GLI2: variants seen among roughly 807,000 people sequenced by gnomAD.
The protein encoded by GLI2 is GLI family zinc finger 2.
In GLI2, 22 loss-of-function variants were observed where a neutral mutation model predicts 78.9. That is an observed-to-expected ratio of 0.28 (90% CI 0.20 to 0.40). GLI2 has a LOEUF of 0.40. GLI2 is among the 10% of genes least tolerant of loss of function. The pLI is 1.00. For missense variants in GLI2, 2,097 were observed against 2,213.2 expected (o/e 0.95, Z 1.05); for synonymous variants, 974 against 963.7 (o/e 1.01, Z -0.20).
chr2:120,913,198 A>C lies in GLI2; in HGVS notation c.149-14163A>C, dbSNP rs527913728. Reference sequence around the variant, plus strand: ...TAGAATTCTGAAGCAGTGGAAAGTCAATAATGATAACGAGTTAGGCCTGAG... The same window carrying C: ...TAGAATTCTGAAGCAGTGGAAAGTCCATAATGATAACGAGTTAGGCCTGAG... On this transcript the variant is annotated intron_variant, in intron 2 of 13. Coordinates refer to ENST00000361492, the MANE Select transcript of GLI2 (RefSeq NM_001374353.1). 5.9e-5 allele frequency among the ~76,000 whole-genome samples: 9 copies of C among 152,334 alleles called. No homozygotes were observed. In the East Asian group the frequency reaches 1.7e-3, roughly 29 times the overall value.
Position 120,986,352 on chromosome 2 carries a change from T to A in GLI2, c.1980T>A (p.Asn660Lys). The stretch of plus-strand genomic sequence containing the variant: ...CTCCTCTGGGCAGTGCCCCCAACAA[T>A]GACAGTGGCGTGGAGATGCCGGGGA... ...EPSPLGSAPN[N>K]DSGVEMPGTG... Residue 660 changes from asparagine to lysine, a missense_variant, in exon 13 of 14, where the codon AAT becomes AAA. Around this residue, in one of 5 missense-constraint regions of GLI2, gnomAD observed 68 missense variants for 104.4 expected, o/e 0.65. Transcript: ENST00000361492. 6.2e-7 allele frequency: 1 copy of A among 1,613,598 alleles called. No homozygotes were observed. Among genetic ancestry groups the A allele is most frequent in the Non-Finnish European group, 8.5e-7 (1 of 1,180,004 alleles).
intron 2 of GLI2, among the ~76,000 whole-genome samples, chr2:120,923,235 AACAC>A (rs373817212): frequency 1.0e-5 from 1 of 96,136 alleles, no homozygotes; most frequent in African/African-American, 4.0e-5. Flanking sequence ...TATACACAGC[AACAC>A]ACACACACAA....
At chr2:120,821,975 C>T (rs1372917586) in intron 2 of GLI2, among the ~76,000 whole-genome samples, 1 of 152,226 alleles carries the variant, frequency 6.6e-6, no homozygotes, top group African/African-American at 2.4e-5. Flanking sequence ...CTGGGGATGC[C>T]ACCAGGCTGC....
intron 2 of GLI2, among the ~76,000 whole-genome samples, chr2:120,812,400 T>C (rs375318157): frequency 1.3e-5 from 2 of 152,138 alleles, no homozygotes; most frequent in East Asian, 3.9e-4. Context: ...TTCCCGTGCA[T>C]CCTTGTCTTT....
chr2:120,990,120 C>T lies in GLI2; in HGVS notation c.4155C>T (p.Ala1385=). ...QLAYARATGH[A]MAAMPSSQET... is the part of the protein sequence containing the mutation. ...CCTACGCCAGGGCCACAGGCCATGC[C>T]ATGGCTGCCATGCCGTCCAGTCAGG... Residue 1385 remains alanine (A), a synonymous_variant, in exon 14 of 14, where the codon GCC becomes GCT. Transcript: ENST00000361492. 1 of 1,604,136 alleles carries T rather than the reference C, an allele frequency of 6.2e-7. No individual in the cohort carries two copies. The highest frequency in any genetic ancestry group is 8.5e-7 in the Non-Finnish European group (1 of 1,173,910).
intron 3 of GLI2, among the ~76,000 whole-genome samples, chr2:120,942,606 C>G (rs1041899276): frequency 6.6e-6 from 1 of 152,230 alleles, no homozygotes; most frequent in African/African-American, 2.4e-5. Context: ...ATGGACATAT[C>G]TCTGGGAGAT....
chr2:120,828,438 T>C (rs1001624409), intron 2 of GLI2, among the ~76,000 whole-genome samples: 5 of 152,356 alleles, frequency 3.3e-5, no homozygotes, highest in African/African-American at 1.2e-4. Context: ...GATTTTTTTC[T>C]CCTCTGTGAA....
At chr2:120,780,109 G>A (rs1683794307) in intron 1 of GLI2, among the ~76,000 whole-genome samples, 2 of 151,558 alleles carry the variant, frequency 1.3e-5, no homozygotes, top group South Asian at 2.1e-4. Flanking sequence ...GGGTTTCTCG[G>A]TTCTCAGAAA....
At chr2:120,848,457 T>C (rs575332920) in intron 2 of GLI2, among the ~76,000 whole-genome samples, 5 of 152,328 alleles carry the variant, frequency 3.3e-5, no homozygotes, top group African/African-American at 9.6e-5. Flanking sequence ...GTTGTCCCTG[T>C]CGCCTCAGCC....
chr2:120,992,047 C>CACAT lies in GLI2; in HGVS notation c.*1375_*1376insTACA, dbSNP rs1683313168. 1 of 152,330 alleles carries CACAT rather than the reference C, an allele frequency of 6.6e-6. No homozygotes were observed. Among genetic ancestry groups the CACAT allele is most frequent in the Non-Finnish European group, 1.4e-5 (1 of 69,136 alleles). 9.4% of individuals were successfully genotyped at this position (152,330 alleles called of 1,614,324 possible). A position where few individuals can be genotyped will look rare whatever the true frequency, so the allele number is the denominator to read the frequency against. On this transcript the variant is annotated 3_prime_UTR_variant, in exon 14 of 14. Transcript: ENST00000361492. Reference sequence around the variant, plus strand: ...ACACACACACACACACACACACACACACACCCCAAACCTTTTCATGGGGAA... The same window carrying CACAT: ...ACACACACACACACACACACACACACACATACACCCCAAACCTTTTCATGGGGAA...
chr2:120,960,800 G>GC (rs926538333), intron 5 of GLI2, among the ~76,000 whole-genome samples: 20 of 152,354 alleles, frequency 1.3e-4, no homozygotes, highest in African/African-American at 4.6e-4. Context: ...AGGCCAGGGT[G>GC]CCGGCAGGAC....
At chr2:120,860,037 G>A (rs902483215) in intron 2 of GLI2, among the ~76,000 whole-genome samples, 4 of 152,184 alleles carry the variant, frequency 2.6e-5, no homozygotes, top group Admixed American at 6.5e-5. Flanking sequence ...AGAAACACAA[G>A]CCTTGCCCCT....
intron 1 of GLI2, among the ~76,000 whole-genome samples, chr2:120,784,873 G>A (rs2104675105): frequency 6.6e-6 from 1 of 152,286 alleles, no homozygotes; most frequent in South Asian, 2.1e-4. Flanking sequence ...GGCACGGCCT[G>A]TTTCCTCTGA....
chr2:120,986,412 G>A lies in GLI2; in HGVS notation c.2040G>A (p.Leu680=), dbSNP rs760234579. The change falls in exon 13 of 14, where the codon CTG becomes CTA. Residue 680 remains leucine (L), a synonymous_variant. Coordinates refer to ENST00000361492, the MANE Select transcript of GLI2 (RefSeq NM_001374353.1). ...GGAGCCTGGGAGACCTGACGGCACT[G>A]GATGACACACCCCCAGGGGCCGACA... ...GPGSLGDLTA[L]DDTPPGADTS... is the part of the protein sequence containing the mutation. The A allele has an allele frequency of 6.2e-7, 1 of 1,613,852 alleles. No homozygotes were observed. Among genetic ancestry groups the A allele is most frequent in the South Asian group, 1.1e-5 (1 of 91,072 alleles).
chr2:120,835,961 C>T (rs1686592241), intron 2 of GLI2, among the ~76,000 whole-genome samples: 1 of 152,152 alleles, frequency 6.6e-6, no homozygotes, highest in African/African-American at 2.4e-5. Flanking sequence ...GCCCTGGATG[C>T]AGACATTAGG....
In GLI2 at chr2:120,800,297, G is replaced by A. The variant is rs897563140; in HGVS notation, c.148+2829G>A. 2.6e-5 allele frequency among the ~76,000 whole-genome samples: 4 copies of A among 151,984 alleles called. No homozygotes were observed. The highest frequency in any genetic ancestry group is 9.7e-5 in the African/African-American group (4 of 41,362). ...AAAGACGAATCATCTTGGTCTGGGC[G>A]ACTGCTCTGAGGCCTGTTTGCTGGG... On this transcript the variant is annotated intron_variant, in intron 2 of 13. Coordinates refer to ENST00000361492, the MANE Select transcript of GLI2 (RefSeq NM_001374353.1). This position sits in a 1 kb window ranked among gnomAD's most constrained non-coding sequence, Gnocchi z 4.1.
At chr2:120,822,921 A>C (rs936481658) in intron 2 of GLI2, among the ~76,000 whole-genome samples, 14 of 152,194 alleles carry the variant, frequency 9.2e-5, no homozygotes, top group African/African-American at 3.4e-4. Flanking sequence ...TTCCTCAGGC[A>C]ACCTTGAGTT....
At chr2:120,930,747 C>T (rs1679910852) in intron 3 of GLI2, among the ~76,000 whole-genome samples, 1 of 152,226 alleles carries the variant, frequency 6.6e-6, no homozygotes, top group Non-Finnish European at 1.5e-5. Flanking sequence ...TTGCAGGCTC[C>T]AGCTTGACAG....
Position 120,819,429 on chromosome 2 carries a change from G to A in GLI2, c.148+21961G>A, listed in dbSNP as rs532446255. Among the ~76,000 whole-genome samples, 8 of 151,940 alleles carry A rather than the reference G, an allele frequency of 5.3e-5. No homozygotes were observed. In the South Asian group the frequency reaches 1.3e-3, roughly 24 times the overall value. On this transcript the variant is annotated intron_variant, in intron 2 of 13. Coordinates refer to ENST00000361492, the MANE Select transcript of GLI2 (RefSeq NM_001374353.1). ...TATTTTTAATATTTTTAGTAGAGAC[G>A]GGGTTTTGCCATGTTGACCAGGCTG...
Sources: allele counts gnomAD v4.1 joint callset (sites outside exome capture counted in the v4.1 genomes callset), GRCh38; gene constraint gnomAD v4.1.1; regional missense constraint gnomAD v4.1.1; non-coding constraint Gnocchi (gnomAD v3.1); transcripts MANE v1.5; gene names NCBI Gene and HGNC (gene_info 2026-07-23, HGNC 2026-07-21).